NLRC5: variants seen among roughly 807,000 people sequenced by gnomAD.
NLRC5 encodes protein NLRC5.
Under a neutral mutation model 206.9 loss-of-function variants are expected in NLRC5, and 114 were observed. The observed-to-expected ratio is 0.55, with a 90% CI of 0.47 to 0.64. The LOEUF (loss-of-function observed/expected upper bound fraction) is 0.64, where lower values mean the gene tolerates loss of function less well. Among genes scored for constraint, NLRC5 ranks in the 30% least tolerant of loss-of-function variants. NLRC5 has a pLI of 0.00. For synonymous variants in NLRC5, 952 were observed against 962.8 expected, an observed-to-expected ratio of 0.99 and a Z score of 0.21; for missense variants, 2,008 against 2,305.5, an observed-to-expected ratio of 0.87 and a Z score of 2.64.
intron 39 of NLRC5, chr16:57,076,026 G>A (rs1286893867): frequency 5.2e-6 from 1 of 191,772 alleles, no homozygotes; most frequent in Non-Finnish European, 1.2e-5. Flanking sequence ...CGATTCTGGT[G>A]CCTCAGCCGC....
chr16:57,079,706 G>C, intron 46 of NLRC5, 77 bp downstream of exon 46: 1 of 1,213,088 alleles, frequency 8.2e-7, no homozygotes, highest in African/African-American at 1.5e-5. Flanking sequence ...GCTCCAGCCT[G>C]CTGTGTGGCC....
chr16:57,035,457 C>T (rs1042474295), intron 13 of NLRC5, among the ~76,000 whole-genome samples: 4 of 152,160 alleles, frequency 2.6e-5, no homozygotes, highest in African/African-American at 9.7e-5. Context: ...TCCTAAACCC[C>T]ATCTGACCCC....
intron 1 of NLRC5, chr16:57,013,983 C>G: frequency 2.4e-6 from 1 of 410,316 alleles, no homozygotes. Context: ...AAGGGAAGTT[C>G]ATTCTGATAA....
chr16:57,004,642 G>A (rs1458711185), intron 1 of NLRC5: 1 of 152,428 alleles, frequency 6.6e-6, no homozygotes, highest in Admixed American at 6.5e-5. Context: ...ATGTGTGTAT[G>A]AGTGTGGACT....
chr16:56,992,470 T>TTTA (rs1318415614), intron 1 of NLRC5: 2 of 138,228 alleles, frequency 1.4e-5, no homozygotes, highest in South Asian at 2.6e-4. Flanking sequence ...TATTTATTTA[T>TTTA]TTTATTTTAT....
At chr16:57,023,700 G>T in intron 4 of NLRC5, 85 bp from the exon 5 acceptor site, 2 of 1,152,814 alleles carry the variant, frequency 1.7e-6, no homozygotes, top group South Asian at 1.4e-5. Context: ...CCTGTCTGTG[G>T]ACTGGAGTTC....
chr16:57,024,259 C>A (rs2061013946), intron 5 of NLRC5, among the ~76,000 whole-genome samples: 1 of 151,986 alleles, frequency 6.6e-6, no homozygotes, highest in South Asian at 2.1e-4. Context: ...AAGACAGAGG[C>A]CCTGGGGGCC....
Position 57,005,556 on chromosome 16 carries a change from G to A in NLRC5, c.-127-11518G>A, listed in dbSNP as rs28636623. On this transcript the variant is annotated intron_variant, in intron 1 of 48. Transcript: ENST00000688547. ...ACTTGGGAGGTTTGAATGACAACTCGTATAGCTGAAGTAATAGATATATTC... is the reference window on the plus strand; with the variant it reads ...ACTTGGGAGGTTTGAATGACAACTCATATAGCTGAAGTAATAGATATATTC... Among the ~76,000 whole-genome samples, 776 of 151,454 alleles carry A rather than the reference G, an allele frequency of 5.1e-3. 6 individuals are homozygous for A. Among genetic ancestry groups the A allele is most frequent in the African/African-American group, 0.018 (735 of 41,274 alleles).
chr16:57,022,043 C>T (rs1241458219), intron 3 of NLRC5, among the ~76,000 whole-genome samples: 1 of 152,238 alleles, frequency 6.6e-6, no homozygotes, highest in African/African-American at 2.4e-5. Context: ...CATAAACTTG[C>T]ATGCACTTGC....
In NLRC5 at chr16:57,059,593, C is replaced by T. The variant is rs768328066; in HGVS notation, c.3986+61C>T. On this transcript the variant is annotated intron_variant, in intron 30 of 48. Transcript: ENST00000688547. The stretch of plus-strand genomic sequence containing the variant: ...AGGGGAGAGGAGGCTGACCCTATGG[C>T]GGCCTCCATGGCCCCCTCTTCCCTG... 156 of 1,464,880 alleles carry T rather than the reference C, an allele frequency of 1.1e-4. 2 individuals are homozygous for T. The Middle Eastern group carries it at 2.7e-3, about 25-fold the overall frequency. 90.7% of individuals were successfully genotyped at this position (1,464,880 alleles called of 1,614,324 possible).
At chr16:57,082,329 C>A in intron 48 of NLRC5, 88 bp from the exon 49 acceptor site, 1 of 1,047,032 alleles carries the variant, frequency 9.6e-7, no homozygotes, top group Non-Finnish European at 1.4e-6. Context: ...CACAGCTCTA[C>A]CTTTTTGGGC....
chr16:57,063,116 T>C (rs2066714606), intron 32 of NLRC5, among the ~76,000 whole-genome samples: 2 of 142,940 alleles, frequency 1.4e-5, no homozygotes, highest in Admixed American at 1.4e-4. Flanking sequence ...CTTTTTTTTT[T>C]TTTTTTTTTT....
chr16:57,047,195 T>C (rs76097130), intron 22 of NLRC5, among the ~76,000 whole-genome samples: 1,890 of 152,214 alleles, frequency 0.012, 43 homozygotes, highest in African/African-American at 0.043. Context: ...TGTGAGACAC[T>C]TGTGGGGCAG....
Position 57,065,313 on chromosome 16 carries a change from G to A in NLRC5, c.4241+15G>A. On this transcript the variant is annotated intron_variant, in intron 33 of 48. Transcript: ENST00000688547. ...ACTGAAATCAGGTGAGTCCAGAGAA[G>A]AGGCCCCTTTGGAATTCTTCATCTT... 1 of 1,531,850 alleles carries A rather than the reference G, an allele frequency of 6.5e-7. No individual in the cohort carries two copies. The allele number at this position is 1,531,850 out of a possible 1,614,324, so 94.9% of individuals were successfully genotyped here.
chr16:57,041,665 C>T, intron 18 of NLRC5, 91 bp downstream of exon 18: 2 of 1,028,054 alleles, frequency 1.9e-6, no homozygotes, highest in South Asian at 2.8e-5. Flanking sequence ...AGATTTAGAT[C>T]AACTGTTCTT....
intron 27 of NLRC5, among the ~76,000 whole-genome samples, chr16:57,057,817 G>C (rs1214416917): frequency 2.6e-5 from 4 of 152,094 alleles, no homozygotes; most frequent in African/African-American, 9.7e-5. Context: ...GGTGGTACTG[G>C]GCTTGGTGGT....
At chr16:57,040,769 C>T in intron 17 of NLRC5, 51 bp downstream of exon 17, 1 of 1,561,578 alleles carries the variant, frequency 6.4e-7, no homozygotes, top group Non-Finnish European at 8.8e-7. Flanking sequence ...CCTCCCTTCC[C>T]CTGCTCAGAG....
chr16:57,001,766 T>C (rs1024893972), intron 1 of NLRC5, among the ~76,000 whole-genome samples: 3 of 152,178 alleles, frequency 2.0e-5, no homozygotes, highest in African/African-American at 7.2e-5. Context: ...AATTATACTT[T>C]TTGTTATTTT....
At position 57,026,091 on chromosome 16, in the gene NLRC5, A is replaced by G. The variant is rs1358577904; in HGVS notation, c.1148A>G (p.Gln383Arg). Reference protein sequence around the residue: ...EEYVNHFFSAQPSREGALVEL... With the variant: ...EEYVNHFFSARPSREGALVEL... Reference sequence around the variant, plus strand: ...TATGTGAATCACTTCTTCAGCGCCCAGCCATCGCGGGAGGGGGCCCTGGTG... The same window carrying G: ...TATGTGAATCACTTCTTCAGCGCCCGGCCATCGCGGGAGGGGGCCCTGGTG... Residue 383 changes from glutamine to arginine, a missense_variant, in exon 6 of 49, where the codon CAG becomes CGG. Physicochemically the swap from Gln to Arg is conservative, Grantham distance 43 (BLOSUM62 1). Coordinates refer to ENST00000688547, the MANE Select transcript of NLRC5 (RefSeq NM_001384950.1). The G allele has an allele frequency of 6.2e-7, 1 of 1,614,170 alleles. No individual in the cohort carries two copies. The highest frequency in any genetic ancestry group is 2.2e-5 in the East Asian group (1 of 44,870).
Sources: gnomAD v4.1 joint callset for allele counts (sites outside exome capture counted in the v4.1 genomes callset) on GRCh38, gnomAD v4.1.1 for gene constraint, MANE v1.5 for transcripts, NCBI Gene and HGNC (gene_info 2026-07-23, HGNC 2026-07-21) for gene names.